VPS11: variants seen among roughly 807,000 people sequenced by gnomAD.
VPS11 encodes VPS11 core subunit of CORVET and HOPS complexes.
In VPS11, 51 loss-of-function variants were observed where a neutral mutation model predicts 106.8. That is an observed-to-expected ratio of 0.48 (90% CI 0.38 to 0.60). The LOEUF is 0.60. Among genes scored for constraint, VPS11 ranks in the 20% least tolerant of loss-of-function variants. The probability of loss-of-function intolerance (pLI) is 0.00; values close to 1 mark genes in which losing one functional copy is unlikely to be tolerated. For missense variants in VPS11, 950 were observed against 1,190.0 expected (o/e 0.80, Z 2.97); for synonymous variants, 453 against 458.7 (o/e 0.99, Z 0.16).
At position 119,077,945 on chromosome 11, in the gene VPS11, G is replaced by A. The variant is rs200774813; in HGVS notation, c.1640G>A (p.Arg547His). The A allele has an allele frequency of 2.3e-4, 376 of 1,613,914 alleles. No individual in the cohort carries two copies. Among genetic ancestry groups the A allele is most frequent in the Non-Finnish European group, 2.8e-4 (334 of 1,179,902 alleles). The change falls in exon 10 of 16, where the codon CGC (arginine) becomes CAC (histidine). Residue 547 changes from arginine to histidine, a missense_variant. Physicochemically the swap from Arg to His is conservative, Grantham distance 29 (BLOSUM62 0). Transcript: ENST00000621676. ...PFEQAESNMK[R>H]YGKILMHHIP... The stretch of plus-strand genomic sequence containing the variant: ...GAGCAGGCAGAGAGCAACATGAAGC[G>A]CTACGGCAAGATCCTCATGCACCAC...
chr11:119,075,362 C>G (rs12270064), intron 7 of VPS11, among the ~76,000 whole-genome samples: 3 of 151,864 alleles, frequency 2.0e-5, no homozygotes, highest in Non-Finnish European at 4.4e-5. Context: ...TGAGCCCAGT[C>G]TGAGCAACAT....
intron 7 of VPS11, 27 bp from the exon 8 acceptor site, chr11:119,076,870 T>C: frequency 6.2e-7 from 1 of 1,612,092 alleles, no homozygotes; most frequent in Non-Finnish European, 8.5e-7. Context: ...CTGATTCAGA[T>C]GCTATCGGGT....
chr11:119,068,986 G>A (rs1373739219), intron 1 of VPS11, among the ~76,000 whole-genome samples: 9 of 93,370 alleles, frequency 9.6e-5, no homozygotes, highest in African/African-American at 1.3e-4. Context: ...CCTGACCTCA[G>A]GTGATCCGCA....
rs2133639324 is a variant in VPS11, at chr11:119,067,873, T to C, written c.50T>C (p.Leu17Pro). 26 of 1,575,682 alleles carry C rather than the reference T, an allele frequency of 1.7e-5. No homozygotes were observed. In the Middle Eastern group the frequency reaches 8.4e-4, roughly 51 times the overall value. The change falls in exon 1 of 16, where the codon CTG becomes CCG. Residue 17 changes from leucine (L) to proline (P), a missense_variant. Coordinates refer to ENST00000621676, the MANE Select transcript of VPS11 (RefSeq NM_021729.6). ...WRRFVFFDKE[L>P]VKEPLSNDGA... ...CGCTTCGTTTTCTTCGACAAGGAGC[T>C]GGTGAAGGAGCCGCTGAGCAATGAT...
chr11:119,077,430 C>A, intron 8 of VPS11, 71 bp from the exon 9 acceptor site: 1 of 1,547,266 alleles, frequency 6.5e-7, no homozygotes, highest in South Asian at 1.2e-5. Flanking sequence ...ATCTGAAAGT[C>A]AGGTGCCTGT....
At position 119,069,469 on chromosome 11, in the gene VPS11, G is replaced by C. The variant is rs1945285414; in HGVS notation, c.364G>C (p.Asp122His). The change falls in exon 3 of 16, where the codon GAT becomes CAT. Residue 122 changes from aspartate to histidine, a missense_variant. By Grantham distance (81) the Asp-to-His change is moderately conservative. This residue lies in a region of VPS11 where 435 missense variants were observed against 630.2 expected (regional missense o/e 0.69). Coordinates refer to ENST00000621676, the MANE Select transcript of VPS11 (RefSeq NM_021729.6). ...TAAGATCTGGAACCTGGAGAAGAGA[G>C]ATGGTGGCAATCCACTCTGCACTCG... ...LVKIWNLEKR[D>H]GGNPLCTRIF... is the part of the protein sequence containing the mutation. 1 of 1,614,038 alleles carries C rather than the reference G, an allele frequency of 6.2e-7. No homozygotes were observed. The highest frequency in any genetic ancestry group is 1.1e-5 in the South Asian group (1 of 91,090).
Position 119,071,693 on chromosome 11 carries a change from T to TG in VPS11, c.735dup (p.Gln246AlafsTer8). 6.2e-7 allele frequency: 1 copy of TG among 1,614,062 alleles called. No homozygotes were observed. The highest frequency in any genetic ancestry group is 2.2e-5 in the East Asian group (1 of 44,892). On this transcript the variant is annotated frameshift_variant, in exon 5 of 16. Coordinates refer to ENST00000621676, the MANE Select transcript of VPS11 (RefSeq NM_021729.6). LOFTEE classifies it high-confidence loss of function. ...GCCCTAAGTGACCCTTCTCAGGACC[T>TG]GCAGTTCATTGTGGCCGGGGATGAG...
intron 6 of VPS11, 81 bp downstream of exon 6, chr11:119,073,480 AG>A (rs1428949286): frequency 6.6e-7 from 1 of 1,512,618 alleles, no homozygotes; most frequent in African/African-American, 1.4e-5. Context: ...CATATTGGCC[AG>A]GGTGTTTCCC....
intron 14 of VPS11, 65 bp from the exon 15 acceptor site, chr11:119,081,027 C>A (rs1013062711): frequency 5.4e-5 from 80 of 1,472,198 alleles, no homozygotes; most frequent in Non-Finnish European, 6.6e-5. Context: ...TGCCTTCTTT[C>A]TCATCCTTGA....
rs1945756541 is a variant in VPS11, at chr11:119,079,209, A to G, written c.2347A>G (p.Ser783Gly). 1 of 1,613,308 alleles carries G rather than the reference A, an allele frequency of 6.2e-7. No individual in the cohort carries two copies. The stretch of plus-strand genomic sequence containing the variant: ...CCTGGTCCAAAAACTACAGAAACAG[A>G]GCCAGCAGATTGCACAGGATGAGCT... Reference protein sequence around the residue: ...DYLVQKLQKQSQQIAQDELRV... With the variant: ...DYLVQKLQKQGQQIAQDELRV... The change falls in exon 14 of 16, where the codon AGC becomes GGC. Residue 783 changes from serine (S) to glycine (G), a missense_variant. By Grantham distance (56) the Ser-to-Gly change is moderately conservative (BLOSUM62 0). Transcript: ENST00000621676.
intron 1 of VPS11, 161 bp downstream of exon 1, chr11:119,068,171 C>T (rs2133641151): frequency 0.85 from 684,585 of 802,258 alleles, 293,405 homozygotes; most frequent in East Asian, 0.94. Context: ...GGAAGTCCAT[C>T]TCCTAACTTG....
chr11:119,070,246 G>T lies in VPS11; in HGVS notation c.485G>T (p.Gly162Val). ...TGTTTTCTTACAGGTTTCACAGATG[G>T]CAGTGTTACATTGAACAAAGGAGAC... ...LNFMAIGFTDGSVTLNKGDIT... is the reference protein window; with the variant it reads ...LNFMAIGFTDVSVTLNKGDIT... The change falls in exon 4 of 16, where the codon GGC (glycine) becomes GTC (valine). Residue 162 changes from glycine (G) to valine (V), a missense_variant. By Grantham distance (109) the Gly-to-Val change is moderately radical. Coordinates refer to ENST00000621676, the MANE Select transcript of VPS11 (RefSeq NM_021729.6). The T allele has an allele frequency of 6.2e-7, 1 of 1,610,266 alleles. No individual in the cohort carries two copies. Among genetic ancestry groups the T allele is most frequent in the African/African-American group, 1.3e-5 (1 of 74,974 alleles).
chr11:119,076,571 GA>G (rs1373826015), intron 7 of VPS11, among the ~76,000 whole-genome samples: 2 of 151,590 alleles, frequency 1.3e-5, no homozygotes, highest in Non-Finnish European at 2.9e-5. Flanking sequence ...GTAAAAGAAA[GA>G]GAACAAAAAT....
intron 7 of VPS11, 127 bp downstream of exon 7, chr11:119,074,078 T>G: frequency 1.2e-5 from 14 of 1,206,448 alleles, no homozygotes; most frequent in East Asian, 2.6e-5. Flanking sequence ...TTTGGTTTTT[T>G]GTTTGTTTTT....
At chr11:119,076,728 G>A (rs1408690012) in intron 7 of VPS11, 169 bp from the exon 8 acceptor site, 1 of 768,606 alleles carries the variant, frequency 1.3e-6, no homozygotes, top group African/African-American at 1.7e-5. Flanking sequence ...CCACAGTCTA[G>A]TAGCACCGAT....
intron 3 of VPS11, 101 bp downstream of exon 3, chr11:119,069,678 C>T: frequency 6.5e-7 from 1 of 1,528,746 alleles, no homozygotes; most frequent in Non-Finnish European, 9.0e-7. Flanking sequence ...CCACTTTGTA[C>T]TGAACTGAGG....
intron 5 of VPS11, chr11:119,072,333 G>C (rs1205268834): frequency 1.2e-5 from 2 of 166,144 alleles, no homozygotes; most frequent in Non-Finnish European, 2.7e-5. Context: ...TTTTACTGCA[G>C]GTATTTGCTA....
intron 7 of VPS11, among the ~76,000 whole-genome samples, chr11:119,076,325 G>T (rs959494570): frequency 2.6e-5 from 4 of 151,740 alleles, no homozygotes; most frequent in African/African-American, 7.3e-5. Context: ...TCGGGAGTTC[G>T]AAACTAGCCT....
chr11:119,081,505 G>C lies in VPS11; in HGVS notation c.2708G>C (p.Gly903Ala), dbSNP rs1432534559. The C allele has an allele frequency of 1.9e-6, 3 of 1,613,970 alleles. No individual in the cohort carries two copies. The highest frequency in any genetic ancestry group is 1.7e-6 in the Non-Finnish European group (2 of 1,179,890). The change falls in exon 16 of 16, where the codon GGC (glycine) becomes GCC (alanine). Residue 903 changes from glycine (G) to alanine (A), a missense_variant. Physicochemically the swap from Gly to Ala is moderately conservative, Grantham distance 60 (BLOSUM62 0). Transcript: ENST00000621676. ...DSFSVIADYF[G>A]RGVFNKLTLL... ...TTTTCTGTGATTGCTGACTACTTTG[G>C]CAGAGGTGTTTTCAACAAATTGACT...
Sources: gnomAD v4.1 joint callset for allele counts (sites outside exome capture counted in the v4.1 genomes callset) on GRCh38, gnomAD v4.1.1 for gene constraint, gnomAD v4.1.1 regional missense constraint, MANE v1.5 for transcripts, NCBI Gene and HGNC (gene_info 2026-07-23, HGNC 2026-07-21) for gene names.